VWA3B: variants seen among roughly 807,000 people sequenced by gnomAD.
VWA3B encodes the protein von Willebrand factor A domain-containing protein 3B.
Under a neutral mutation model 158.3 loss-of-function variants are expected in VWA3B, and 138 were observed. The observed-to-expected ratio is 0.87, with a 90% CI of 0.76 to 1.00. The LOEUF (loss-of-function observed/expected upper bound fraction) is 1.00, where lower values mean the gene tolerates loss of function less well. Among genes scored for constraint, VWA3B ranks in the 50% least tolerant of loss-of-function variants. The pLI is 0.00. For synonymous variants in VWA3B, 596 were observed against 587.3 expected (o/e 1.01, Z -0.21); for missense variants, 1,555 against 1,565.1 (o/e 0.99, Z 0.11).
chr2:98,274,203 A>G (rs1287844942), intron 22 of VWA3B, among the ~76,000 whole-genome samples: 1 of 152,200 alleles, frequency 6.6e-6, no homozygotes, highest in Non-Finnish European at 1.5e-5. Flanking sequence ...GCATGGGCCC[A>G]GCCTAATGGA....
At chr2:98,292,337 T>C (rs1185797036) in intron 23 of VWA3B, among the ~76,000 whole-genome samples, 1 of 152,170 alleles carries the variant, frequency 6.6e-6, no homozygotes, top group African/African-American at 2.4e-5. Flanking sequence ...TTTAATTGAA[T>C]AATATTTTAG....
chr2:98,321,734 C>A, the VWA3B span, among the ~76,000 whole-genome samples: 1 of 152,172 alleles, frequency 6.6e-6, no homozygotes, highest in African/African-American at 2.4e-5. Context: ...GGACTGTGGA[C>A]TTCTGAGTTA....
intron 26 of VWA3B, among the ~76,000 whole-genome samples, chr2:98,308,988 A>T (rs1690710560): frequency 6.6e-6 from 1 of 152,034 alleles, no homozygotes; most frequent in Admixed American, 6.6e-5. Context: ...CCTGGCCATT[A>T]TGGTGAAACC....
intron 13 of VWA3B, among the ~76,000 whole-genome samples, chr2:98,216,511 C>T (rs966246006): frequency 1.3e-5 from 2 of 152,232 alleles, no homozygotes; most frequent in Non-Finnish European, 2.9e-5. Context: ...TGCACATGCA[C>T]AAACAGACCT....
chr2:98,108,612 C>T (rs1292787296), intron 2 of VWA3B, among the ~76,000 whole-genome samples: 4 of 152,100 alleles, frequency 2.6e-5, no homozygotes, highest in Non-Finnish European at 5.9e-5. Context: ...CCTGCTCTGT[C>T]CCCAGTAATA....
intron 23 of VWA3B, among the ~76,000 whole-genome samples, chr2:98,294,986 C>G (rs115633874): frequency 3.3e-5 from 5 of 152,094 alleles, no homozygotes; most frequent in African/African-American, 1.2e-4. Context: ...TTTCTGCATC[C>G]GATGTGAGAG....
intron 7 of VWA3B, among the ~76,000 whole-genome samples, chr2:98,145,962 T>C (rs1304128155): frequency 1.3e-5 from 2 of 152,292 alleles, no homozygotes; most frequent in East Asian, 3.9e-4. Context: ...CTCAAACTCC[T>C]GGCCTCAAGT....
At chr2:98,243,986 A>T (rs1686236261) in intron 19 of VWA3B, among the ~76,000 whole-genome samples, 1 of 152,198 alleles carries the variant, frequency 6.6e-6, no homozygotes, top group African/African-American at 2.4e-5. Flanking sequence ...GTCAGAGTTG[A>T]ACAATAGATA....
chr2:98,159,207 G>A, intron 7 of VWA3B, among the ~76,000 whole-genome samples: 1 of 152,168 alleles, frequency 6.6e-6, no homozygotes, highest in Non-Finnish European at 1.5e-5. Context: ...TCCCAGGTAT[G>A]TTAGCATTTT....
At chr2:98,212,901 G>A (rs1335386856) in intron 13 of VWA3B, among the ~76,000 whole-genome samples, 1 of 152,130 alleles carries the variant, frequency 6.6e-6, no homozygotes. Context: ...AGGGTCTGAG[G>A]CTATAAAGAT....
intron 2 of VWA3B, among the ~76,000 whole-genome samples, chr2:98,111,553 C>T (rs1346107454): frequency 6.6e-6 from 1 of 152,108 alleles, no homozygotes; most frequent in Non-Finnish European, 1.5e-5. Context: ...ACAATCTCAC[C>T]AAAATCTGTA....
At chr2:98,090,404 C>T (rs111678041) in intron 1 of VWA3B, among the ~76,000 whole-genome samples, 3,173 of 152,300 alleles carry the variant, frequency 0.021, 42 homozygotes, top group Middle Eastern at 0.048. Flanking sequence ...TTTATTTGCA[C>T]ATAGCTGTTT....
At chr2:98,145,934 T>C (rs1020134897) in intron 7 of VWA3B, among the ~76,000 whole-genome samples, 11 of 152,096 alleles carry the variant, frequency 7.2e-5, no homozygotes, top group Non-Finnish European at 1.0e-4. Flanking sequence ...GGGATCTCGC[T>C]ATGTTTTCCA....
chr2:98,154,522 C>T (rs898575116), intron 7 of VWA3B, among the ~76,000 whole-genome samples: 7 of 152,200 alleles, frequency 4.6e-5, no homozygotes, highest in African/African-American at 9.7e-5. Context: ...TCTGTTCCCA[C>T]TCCCGTCTTG....
At chr2:98,246,067 ATTTG>A (rs1686372117) in intron 19 of VWA3B, among the ~76,000 whole-genome samples, 2 of 152,022 alleles carry the variant, frequency 1.3e-5, no homozygotes, top group East Asian at 1.9e-4. Flanking sequence ...TTTGCCTATT[ATTTG>A]TTTGTTTTAG....
chr2:98,214,072 T>A (rs1683768769), intron 13 of VWA3B, among the ~76,000 whole-genome samples: 3 of 151,986 alleles, frequency 2.0e-5, no homozygotes, highest in Non-Finnish European at 4.4e-5. Context: ...GCACCTGTAG[T>A]CCTAGCTACT....
intron 12 of VWA3B, among the ~76,000 whole-genome samples, chr2:98,199,715 C>G (rs1029730898): frequency 6.6e-6 from 1 of 152,164 alleles, no homozygotes; most frequent in Admixed American, 6.5e-5. Flanking sequence ...GACAGTATTT[C>G]TGTTTTCCAA....
chr2:98,096,131 C>T (rs1399199520), intron 2 of VWA3B, among the ~76,000 whole-genome samples: 1 of 152,158 alleles, frequency 6.6e-6, no homozygotes, highest in Admixed American at 6.5e-5. Context: ...AATGTTGCCT[C>T]AGAGAATGGA....
intron 7 of VWA3B, among the ~76,000 whole-genome samples, chr2:98,141,099 C>T (rs1468734171): frequency 6.6e-6 from 1 of 152,214 alleles, no homozygotes; most frequent in African/African-American, 2.4e-5. Context: ...GGCAGCCGCC[C>T]ATTGACTGTG....
Sources: gnomAD v4.1 joint callset for allele counts (sites outside exome capture counted in the v4.1 genomes callset) on GRCh38, gnomAD v4.1.1 for gene constraint, MANE v1.5 for transcripts, NCBI Gene and HGNC (gene_info 2026-07-23, HGNC 2026-07-21) for gene names.